Variants in COL14A1 observed in about 807,000 individuals in gnomAD.
COL14A1 encodes collagen alpha-1(XIV) chain.
COL14A1 carries 136 observed loss-of-function variants against 230.3 expected under a neutral mutation model. The observed-to-expected ratio is 0.59, with a 90% CI of 0.51 to 0.68. The LOEUF (loss-of-function observed/expected upper bound fraction) is 0.68. Among genes scored for constraint, COL14A1 ranks in the 30% least tolerant of loss-of-function variants. The pLI is 0.00. For missense variants in COL14A1, 1,976 were observed against 2,215.8 expected, an observed-to-expected ratio of 0.89 and a Z score of 2.17; for synonymous variants, 792 against 784.1, an observed-to-expected ratio of 1.01 and a Z score of -0.17.
At chr8:120,220,656 T>C (rs1040096410) in intron 14 of COL14A1, among the ~76,000 whole-genome samples, 2 of 152,224 alleles carry the variant, frequency 1.3e-5, no homozygotes, top group Non-Finnish European at 1.5e-5. Flanking sequence ...CACTTCCTCT[T>C]CCTCCCTCTG....
intron 5 of COL14A1, among the ~76,000 whole-genome samples, chr8:120,179,682 C>T (rs1405024737): frequency 6.6e-6 from 1 of 151,776 alleles, no homozygotes; most frequent in Non-Finnish European, 1.5e-5. Context: ...ACTACTTCAC[C>T]ATATTAGAAA....
At chr8:120,278,257 T>C (rs762455332) in intron 27 of COL14A1, 23 bp downstream of exon 27, 2 of 1,589,390 alleles carry the variant, frequency 1.3e-6, no homozygotes, top group Admixed American at 3.7e-5. Context: ...GAAGCCCAGC[T>C]AAGGCTCAAA....
chr8:120,298,006 G>A (rs888589485), intron 35 of COL14A1, among the ~76,000 whole-genome samples: 7 of 151,976 alleles, frequency 4.6e-5, no homozygotes, highest in African/African-American at 1.7e-4. Context: ...AAAGAAAAAA[G>A]TGATATTTAT....
chr8:120,193,837 G>A (rs539089029), intron 5 of COL14A1, among the ~76,000 whole-genome samples: 18 of 152,304 alleles, frequency 1.2e-4, no homozygotes, highest in African/African-American at 4.1e-4. Context: ...CTCTGTGGGC[G>A]TAGGACCCTC....
chr8:120,337,489 GA>G (rs1301162490), intron 42 of COL14A1, among the ~76,000 whole-genome samples: 1 of 151,970 alleles, frequency 6.6e-6, no homozygotes, highest in Non-Finnish European at 1.5e-5. Context: ...AGGCATATTA[GA>G]AGAATATTCT....
chr8:120,308,051 G>A (rs1468295552), intron 36 of COL14A1, among the ~76,000 whole-genome samples: 1 of 152,092 alleles, frequency 6.6e-6, no homozygotes, highest in Non-Finnish European at 1.5e-5. Context: ...GCATGATCTC[G>A]GCTCACTGCA....
At chr8:120,200,805 A>G (rs1268563511) in intron 8 of COL14A1, among the ~76,000 whole-genome samples, 4 of 140,462 alleles carry the variant, frequency 2.8e-5, no homozygotes, top group Non-Finnish European at 4.6e-5. Flanking sequence ...ATTTTTTCAG[A>G]ACTTGTTTCC....
Position 120,283,616 on chromosome 8 carries a change from G to T in COL14A1, c.3825-20G>T, listed in dbSNP as rs759383591. On this transcript the variant is annotated intron_variant, in intron 31 of 47. Transcript: ENST00000297848. ...TTTGAGGAAGGATACAATGAAACAT[G>T]GTTTTCTTTCTATGTTCAGGTACTT... 2.4e-5 allele frequency: 38 copies of T among 1,576,608 alleles called. No homozygotes were observed. The highest frequency in any genetic ancestry group is 3.0e-5 in the Non-Finnish European group (35 of 1,167,538).
rs1815709238 is a variant in COL14A1 at position 120,162,414 on chromosome 8, C to T, written c.206-12C>T. ...TTTCTTAGAACTGATTTATTTTTCT[C>T]TTTTATTATAGGTGGAAAAACTAAC... On this transcript the variant is annotated splice_polypyrimidine_tract_variant and intron_variant, in intron 3 of 47. Coordinates refer to ENST00000297848, the MANE Select transcript of COL14A1 (RefSeq NM_021110.4). 6.3e-7 allele frequency: 1 copy of T among 1,584,226 alleles called. No individual in the cohort carries two copies. The highest frequency in any genetic ancestry group is 8.5e-7 in the Non-Finnish European group (1 of 1,169,610).
chr8:120,303,887 C>G (rs970675083), intron 36 of COL14A1, among the ~76,000 whole-genome samples: 1 of 151,708 alleles, frequency 6.6e-6, no homozygotes, highest in Non-Finnish European at 1.5e-5. Flanking sequence ...TTTTTGGTTG[C>G]TAGACTATTT....
intron 3 of COL14A1, 23 bp downstream of exon 3, chr8:120,158,269 T>C: frequency 7.3e-7 from 1 of 1,370,548 alleles, no homozygotes; most frequent in Non-Finnish European, 1.0e-6. Context: ...GACTTTGTTT[T>C]GTAGAGCATT....
At chr8:120,230,950 G>A (rs1818248218) in intron 18 of COL14A1, among the ~76,000 whole-genome samples, 1 of 152,210 alleles carries the variant, frequency 6.6e-6, no homozygotes, top group Non-Finnish European at 1.5e-5. Flanking sequence ...GATCGTGTCT[G>A]TGTGGGCTGA....
chr8:120,263,069 A>C (rs1229184279), intron 24 of COL14A1, 55 bp downstream of exon 24: 1 of 1,493,150 alleles, frequency 6.7e-7, no homozygotes, highest in Non-Finnish European at 8.9e-7. Context: ...ACAGAATTTC[A>C]GGCATCCTGT....
At chr8:120,266,951 C>A (rs754223478) in intron 25 of COL14A1, 68 bp downstream of exon 25, 26 of 1,304,076 alleles carry the variant, frequency 2.0e-5, no homozygotes, top group Admixed American at 3.4e-5. Flanking sequence ...TTTGCCTGTT[C>A]ATTTCAAACC....
intron 45 of COL14A1, among the ~76,000 whole-genome samples, chr8:120,355,446 C>G (rs967520933): frequency 6.6e-6 from 1 of 151,502 alleles, no homozygotes; most frequent in African/African-American, 2.4e-5. Flanking sequence ...TGCTTTGTCC[C>G]CCAGACTGGA....
chr8:120,128,179 A>T (rs1814405512), intron 1 of COL14A1, among the ~76,000 whole-genome samples: 1 of 151,872 alleles, frequency 6.6e-6, no homozygotes, highest in South Asian at 2.1e-4. Context: ...TTTGTTGTAG[A>T]CCAAACTGCA....
intron 34 of COL14A1, among the ~76,000 whole-genome samples, chr8:120,296,176 GA>G (rs931387022): frequency 6.7e-6 from 1 of 149,782 alleles, no homozygotes; most frequent in Admixed American, 6.7e-5. Context: ...AAACCACCTG[GA>G]AAAAAAAAGC....
At chr8:120,259,544 C>G (rs116931608) in intron 23 of COL14A1, among the ~76,000 whole-genome samples, 2,821 of 152,158 alleles carry the variant, frequency 0.019, 41 homozygotes, top group Middle Eastern at 0.034. Context: ...ATGGATACAC[C>G]CCCATTCATG....
Position 120,357,737 on chromosome 8 carries a change from A to G in COL14A1, c.5078-9434A>G, listed in dbSNP as rs564342256. 5.7e-4 allele frequency among the ~76,000 whole-genome samples: 87 copies of G among 152,228 alleles called. 2 individuals are homozygous for G. Among genetic ancestry groups the G allele is most frequent in the Non-Finnish European group, 6.5e-4 (44 of 68,022 alleles). ...TGCTGAATAATGAAGGGCTCTTGTG[A>G]AGAGTTGGCTTACCCTGCCTGTTTT... On this transcript the variant is annotated intron_variant, in intron 45 of 47. Transcript: ENST00000297848.
Sources: allele counts gnomAD v4.1 joint callset (sites outside exome capture counted in the v4.1 genomes callset), GRCh38; gene constraint gnomAD v4.1.1; transcripts MANE v1.5; gene names NCBI Gene and HGNC (gene_info 2026-07-23, HGNC 2026-07-21).